MDFIC: variants seen among roughly 807,000 people sequenced by gnomAD.
MDFIC encodes MyoD family inhibitor domain containing.
A neutral mutation model predicts 23.2 loss-of-function variants in MDFIC; 17 were observed. The ratio of observed to expected loss-of-function variants is 0.73; its 90% confidence interval spans 0.50 to 1.10. The LOEUF is 1.10. MDFIC is among the 50% of genes least tolerant of loss of function. MDFIC has a pLI of 0.00. For missense variants in MDFIC, 356 were observed against 316.6 expected (o/e 1.12, Z -0.95); for synonymous variants, 120 against 115.2 (o/e 1.04, Z -0.27).
intron 4 of MDFIC, among the ~76,000 whole-genome samples, chr7:115,001,993 C>A (rs1791474667): frequency 6.6e-6 from 1 of 152,096 alleles, no homozygotes; most frequent in South Asian, 2.1e-4. Context: ...AAAAATTAGC[C>A]AGGTGTGGTG....
At chr7:114,978,526 C>G (rs1793357765) in intron 3 of MDFIC, among the ~76,000 whole-genome samples, 1 of 151,484 alleles carries the variant, frequency 6.6e-6, no homozygotes, top group Non-Finnish European at 1.5e-5. Context: ...TTGGCTTGTT[C>G]TTTCTTTTTT....
chr7:114,967,242 A>G (rs1265863413), intron 3 of MDFIC, among the ~76,000 whole-genome samples: 1 of 152,162 alleles, frequency 6.6e-6, no homozygotes, highest in African/African-American at 2.4e-5. Context: ...TTCCCCTTGC[A>G]AGTGATTGGT....
chr7:114,923,763 C>A, intron 2 of MDFIC: 2 of 828,598 alleles, frequency 2.4e-6, no homozygotes, highest in Non-Finnish European at 1.7e-6. Flanking sequence ...AGCTTCTAAA[C>A]GAGTTGAACC....
chr7:115,006,821 T>A (rs976296287), intron 4 of MDFIC, among the ~76,000 whole-genome samples: 1 of 152,216 alleles, frequency 6.6e-6, no homozygotes, highest in Non-Finnish European at 1.5e-5. Context: ...TAAAGTAGAT[T>A]TTATTATCCA....
chr7:115,014,502 A>G (rs1224685941), intron 4 of MDFIC: 1 of 1,289,764 alleles, frequency 7.8e-7, no homozygotes, highest in East Asian at 5.5e-5. Flanking sequence ...TTTTAATGCC[A>G]AATACAGAAA....
chr7:114,942,164 T>C, intron 2 of MDFIC, 111 bp from the exon 3 acceptor site: 4 of 660,264 alleles, frequency 6.1e-6, no homozygotes, highest in Non-Finnish European at 9.2e-6. Flanking sequence ...ATACCTGTTC[T>C]ATTTCCTTAA....
intron 2 of MDFIC, among the ~76,000 whole-genome samples, chr7:114,928,840 A>G (rs1054453748): frequency 6.6e-6 from 1 of 152,232 alleles, no homozygotes; most frequent in Non-Finnish European, 1.5e-5. Flanking sequence ...ACAAAAGATT[A>G]GAGGACTTAG....
intron 4 of MDFIC, among the ~76,000 whole-genome samples, chr7:115,012,617 A>G (rs1791702609): frequency 6.6e-6 from 1 of 152,170 alleles, no homozygotes; most frequent in Non-Finnish European, 1.5e-5. Context: ...ATTGTTTCAA[A>G]CTGCAATGTT....
chr7:114,931,585 T>C (rs1221015330), intron 2 of MDFIC, among the ~76,000 whole-genome samples: 5 of 152,194 alleles, frequency 3.3e-5, no homozygotes, highest in African/African-American at 9.7e-5. Context: ...ACACAAATGT[T>C]TACCAAATTA....
chr7:114,978,190 G>C (rs1209614658), intron 3 of MDFIC, among the ~76,000 whole-genome samples: 1 of 151,678 alleles, frequency 6.6e-6, no homozygotes, highest in African/African-American at 2.4e-5. Flanking sequence ...ACTGCTTTAG[G>C]TGCTGTGATA....
chr7:114,969,158 G>C (rs900380540), intron 3 of MDFIC, among the ~76,000 whole-genome samples: 1 of 152,138 alleles, frequency 6.6e-6, no homozygotes, highest in Non-Finnish European at 1.5e-5. Context: ...TAATTCCCTA[G>C]TTACAACAGA....
At chr7:114,997,773 G>T (rs78040089) in intron 4 of MDFIC, among the ~76,000 whole-genome samples, 16,861 of 141,874 alleles carry the variant, frequency 0.12, 1,292 homozygotes, top group East Asian at 0.36. Context: ...AAAAAGAAAA[G>T]AAAAGAAAAG....
rs1180901292 is a variant in MDFIC, at chr7:115,016,272, A to G, written c.*337A>G. The G allele has an allele frequency of 1.6e-5, 4 of 244,700 alleles. No homozygotes were observed. The highest frequency in any genetic ancestry group is 5.3e-5 in the South Asian group (1 of 18,798). The allele number at this position is 244,700 out of a possible 1,614,324, so 15.2% of individuals were successfully genotyped here. ...TTCTCAGGAGCACTTTGCTCCAAATATATTATTTTTCAGTGTGTATTTAAA... is the reference window on the plus strand; with the variant it reads ...TTCTCAGGAGCACTTTGCTCCAAATGTATTATTTTTCAGTGTGTATTTAAA... On this transcript the variant is annotated 3_prime_UTR_variant, in exon 5 of 5. Transcript: ENST00000393486.
intron 4 of MDFIC, chr7:115,014,051 A>G (rs1791740723): frequency 2.0e-6 from 2 of 985,244 alleles, no homozygotes; most frequent in African/African-American, 1.7e-5. Flanking sequence ...GTGTCCTTCT[A>G]CAAACACAAC....
intron 4 of MDFIC, among the ~76,000 whole-genome samples, chr7:115,004,589 T>C (rs73214735): frequency 1.3e-5 from 2 of 152,362 alleles, no homozygotes; most frequent in Non-Finnish European, 2.9e-5. Flanking sequence ...TTACATTCCT[T>C]GATCTTTGTC....
chr7:114,969,896 T>A (rs1793175482), intron 3 of MDFIC, among the ~76,000 whole-genome samples: 1 of 152,228 alleles, frequency 6.6e-6, no homozygotes, highest in Non-Finnish European at 1.5e-5. Flanking sequence ...TCTTCTGAAG[T>A]AATTCAGAAA....
In MDFIC at chr7:114,942,255, A is replaced by G. The variant is rs1274368725; in HGVS notation, c.95-20A>G. 4 of 1,363,954 alleles carry G rather than the reference A, an allele frequency of 2.9e-6. No homozygotes were observed. Among genetic ancestry groups the G allele is most frequent in the South Asian group, 1.4e-5 (1 of 69,446 alleles). The allele number at this position is 1,363,954 out of a possible 1,614,324, so 84.5% of individuals were successfully genotyped here. On this transcript the variant is annotated intron_variant, in intron 2 of 4. Transcript: ENST00000393486. The stretch of plus-strand genomic sequence containing the variant: ...AAATATATAAAATCAATTATATTAA[A>G]TGTATCTTTTTTAATTCAGGAAAAT...
rs150554046 is a variant in MDFIC at position 115,000,177 on chromosome 7, T to C, written c.494-15511T>C. Among the ~76,000 whole-genome samples, 417 of 152,332 alleles carry C rather than the reference T, an allele frequency of 2.7e-3. 4 individuals carry two copies. The highest frequency in any genetic ancestry group is 3.5e-3 in the Non-Finnish European group (236 of 68,018). On this transcript the variant is annotated intron_variant, in intron 4 of 4. Transcript: ENST00000393486. ...CTGTATTTTTACTGTACCTTTTCTA[T>C]GTTTACATATACAAATACTTACCAT...
intron 4 of MDFIC, among the ~76,000 whole-genome samples, chr7:114,983,678 C>T (rs1206015748): frequency 6.6e-6 from 1 of 151,052 alleles, no homozygotes; most frequent in Non-Finnish European, 1.5e-5. Context: ...AGCGATTCGC[C>T]TGCCTCAGCC....
Sources: allele counts gnomAD v4.1 joint callset (sites outside exome capture counted in the v4.1 genomes callset), GRCh38; gene constraint gnomAD v4.1.1; transcripts MANE v1.5; gene names NCBI Gene and HGNC (gene_info 2026-07-23, HGNC 2026-07-21).